Variants in WNK1 observed in about 807,000 individuals in gnomAD.
The protein encoded by WNK1 is serine/threonine-protein kinase WNK1.
A neutral mutation model predicts 222.8 loss-of-function variants in WNK1; 38 were observed. The observed-to-expected ratio is 0.17, with a 90% CI of 0.13 to 0.22. The LOEUF (loss-of-function observed/expected upper bound fraction) is 0.22, where lower values mean the gene tolerates loss of function less well. Among genes scored for constraint, WNK1 ranks in the 10% least tolerant of loss-of-function variants. The pLI is 1.00. For missense variants in WNK1, 2,348 were observed against 2,918.4 expected, an observed-to-expected ratio of 0.80 and a Z score of 4.50; for synonymous variants, 1,090 against 1,092.9, an observed-to-expected ratio of 1.00 and a Z score of 0.05.
At chr12:807,831 G>C (rs1034084282) in intron 1 of WNK1, among the ~76,000 whole-genome samples, 1 of 144,102 alleles carries the variant, frequency 6.9e-6, no homozygotes, top group African/African-American at 2.6e-5. Context: ...GCCATTCTCC[G>C]GCCTCAGCCT....
intron 24 of WNK1, 44 bp downstream of exon 24, chr12:896,776 C>T (rs1166945290): frequency 6.3e-7 from 1 of 1,595,176 alleles, no homozygotes; most frequent in African/African-American, 1.4e-5. Context: ...ATAAGGTTTT[C>T]AGACCTAGAT....
chr12:887,551 A>G (rs1201415593), intron 20 of WNK1, among the ~76,000 whole-genome samples: 1 of 152,160 alleles, frequency 6.6e-6, no homozygotes, highest in African/African-American at 2.4e-5. Flanking sequence ...ATATCTTATG[A>G]AGGAAGAAAA....
At position 879,595 on chromosome 12, in the gene WNK1, C is replaced by T; in HGVS notation, c.2396C>T (p.Pro799Leu). 6.3e-7 allele frequency: 1 copy of T among 1,593,308 alleles called. No homozygotes were observed. Among genetic ancestry groups the T allele is most frequent in the African/African-American group, 1.4e-5 (1 of 72,876 alleles). ...GKQLPVSQPV[P>L]TIQGEPQIPV... ...CAGCTTCCAGTTTCCCAGCCAGTACCAACTATCCAAGGCGAACCTCAGATC... is the reference window on the plus strand; with the variant it reads ...CAGCTTCCAGTTTCCCAGCCAGTACTAACTATCCAAGGCGAACCTCAGATC... The change falls in exon 11 of 28, where the codon CCA (proline) becomes CTA (leucine). Residue 799 changes from proline (P) to leucine (L), a missense_variant. Coordinates refer to ENST00000315939, the MANE Select transcript of WNK1 (RefSeq NM_018979.4).
chr12:908,856 G>A lies in WNK1; in HGVS notation c.*64G>A. On this transcript the variant is annotated 3_prime_UTR_variant, in exon 28 of 28. Transcript: ENST00000315939. ...ATGGAATGCTGAGGGGGTGGGTGGG[G>A]GTGGGAAGTAGCCTATATACTAACT... 1 of 1,292,636 alleles carries A rather than the reference G, an allele frequency of 7.7e-7. No individual in the cohort carries two copies. The highest frequency in any genetic ancestry group is 1.2e-5 in the South Asian group (1 of 81,818). The allele number at this position is 1,292,636 out of a possible 1,614,324, so 80.1% of individuals were successfully genotyped here. A position where few individuals can be genotyped will look rare whatever the true frequency, so the allele number is the denominator to read the frequency against.
chr12:871,529 CTT>C (rs935017250), intron 9 of WNK1, among the ~76,000 whole-genome samples, 181 bp downstream of exon 9: 6 of 152,300 alleles, frequency 3.9e-5, no homozygotes, highest in African/African-American at 1.4e-4. Flanking sequence ...AGAAAAATCT[CTT>C]TTGTTTAATA....
intron 4 of WNK1, among the ~76,000 whole-genome samples, chr12:856,258 G>A (rs1481448864): frequency 2.0e-5 from 3 of 151,748 alleles, no homozygotes; most frequent in East Asian, 2.0e-4. Flanking sequence ...GACCAGCCTG[G>A]CCAACATGGA....
Position 830,016 on chromosome 12 carries a change from C to T in WNK1, c.1167C>T (p.Phe389=), listed in dbSNP as rs1183304604. 6.2e-7 allele frequency: 1 copy of T among 1,614,104 alleles called. No homozygotes were observed. The highest frequency in any genetic ancestry group is 1.7e-5 in the Admixed American group (1 of 60,028). ...FAKSVIGTPE[F]MAPEMYEEKY... is the part of the protein sequence containing the mutation. ...TTTTAATTTAAGGTACCCCAGAGTTCATGGCCCCTGAGATGTATGAGGAGA... is the reference window on the plus strand; with the variant it reads ...TTTTAATTTAAGGTACCCCAGAGTTTATGGCCCCTGAGATGTATGAGGAGA... Residue 389 remains phenylalanine, a synonymous_variant, in exon 4 of 28, where the codon TTC becomes TTT. Transcript: ENST00000315939.
At chr12:811,205 T>G (rs769327908) in intron 1 of WNK1, among the ~76,000 whole-genome samples, 12 of 152,238 alleles carry the variant, frequency 7.9e-5, no homozygotes, top group Non-Finnish European at 1.3e-4. Context: ...TAAAATTTTA[T>G]CATTGTATTC....
intron 6 of WNK1, among the ~76,000 whole-genome samples, 168 bp downstream of exon 6, chr12:859,632 G>GTGTGGT (rs369513114): frequency 2.4e-5 from 3 of 122,640 alleles, no homozygotes; most frequent in African/African-American, 8.9e-5. Context: ...GTGTGTGTGT[G>GTGTGGT]TTTTTTTTTT....
chr12:863,130 T>G (rs1344590230), intron 8 of WNK1, among the ~76,000 whole-genome samples: 1 of 152,242 alleles, frequency 6.6e-6, no homozygotes, highest in Non-Finnish European at 1.5e-5. Flanking sequence ...ACTTGTTTAG[T>G]GAGATCTTTA....
At chr12:756,004 A>C (rs1299223377) in intron 1 of WNK1, among the ~76,000 whole-genome samples, 1 of 152,198 alleles carries the variant, frequency 6.6e-6, no homozygotes, top group Non-Finnish European at 1.5e-5. Context: ...ACAACAAAAA[A>C]ACTTATGTCC....
At chr12:868,659 CAGG>C in intron 8 of WNK1, 1 of 1,613,986 alleles carries the variant, frequency 6.2e-7, no homozygotes. Context: ...AGCTCCTCTT[CAGG>C]AGAAGGAGGT....
At chr12:866,281 A>T (rs2154070121) in intron 8 of WNK1, among the ~76,000 whole-genome samples, 1 of 152,340 alleles carries the variant, frequency 6.6e-6, no homozygotes, top group Non-Finnish European at 1.5e-5. Flanking sequence ...CAGCTCGATA[A>T]GGATCTTCCC....
intron 3 of WNK1, among the ~76,000 whole-genome samples, chr12:829,546 C>T (rs1948633230): frequency 6.6e-6 from 1 of 152,134 alleles, no homozygotes; most frequent in African/African-American, 2.4e-5. Flanking sequence ...ATTAACCCTA[C>T]AGCTACCATA....
At chr12:799,426 C>T (rs1167473019) in intron 1 of WNK1, among the ~76,000 whole-genome samples, 4 of 151,392 alleles carry the variant, frequency 2.6e-5, no homozygotes, top group Admixed American at 6.6e-5. Context: ...CCACCGCACC[C>T]GGCCTGCATG....
intron 8 of WNK1, among the ~76,000 whole-genome samples, chr12:864,700 G>A (rs2154068584): frequency 6.6e-6 from 1 of 152,144 alleles, no homozygotes; most frequent in East Asian, 1.9e-4. Context: ...ATCTTTTAAT[G>A]TACTTTAAAC....
chr12:890,578 G>C, intron 22 of WNK1, 65 bp downstream of exon 22: 1 of 1,572,174 alleles, frequency 6.4e-7, no homozygotes, highest in Non-Finnish European at 8.7e-7. Flanking sequence ...GATTCAGGAG[G>C]TTTACCGTTT....
At chr12:859,033 T>C (rs528587188) in intron 5 of WNK1, among the ~76,000 whole-genome samples, 1 of 152,226 alleles carries the variant, frequency 6.6e-6, no homozygotes, top group Non-Finnish European at 1.5e-5. Context: ...CTCTTATTCA[T>C]GAATGAGATT....
intron 2 of WNK1, among the ~76,000 whole-genome samples, chr12:819,631 C>T (rs554399126): frequency 2.0e-5 from 3 of 152,064 alleles, no homozygotes; most frequent in African/African-American, 4.8e-5. Context: ...TGTAAGAGTC[C>T]ATTGTCATAA....
Sources: gnomAD v4.1 joint callset for allele counts (sites outside exome capture counted in the v4.1 genomes callset) on GRCh38, gnomAD v4.1.1 for gene constraint, MANE v1.5 for transcripts, NCBI Gene and HGNC (gene_info 2026-07-23, HGNC 2026-07-21) for gene names.